SLC24A2: variants seen among roughly 807,000 people sequenced by gnomAD.
The protein encoded by SLC24A2 is sodium/potassium/calcium exchanger 2.
SLC24A2 carries 36 observed loss-of-function variants against 62.0 expected under a neutral mutation model. The ratio of observed to expected loss-of-function variants is 0.58; its 90% CI spans 0.44 to 0.77. The LOEUF is 0.77. Among genes scored for constraint, SLC24A2 ranks in the 30% least tolerant of loss-of-function variants. The pLI is 0.00. For missense variants in SLC24A2, 846 were observed against 817.9 expected, an observed-to-expected ratio of 1.03 and a Z score of -0.42; for synonymous variants, 358 against 294.0, an observed-to-expected ratio of 1.22 and a Z score of -2.23.
intron 1 of SLC24A2, 71 bp from the exon 2 acceptor site, chr9:19,787,090 T>C: frequency 1.2e-6 from 1 of 828,084 alleles, no homozygotes; most frequent in Non-Finnish European, 1.5e-6. Context: ...TCTTTGCAGA[T>C]ATGATAAAGT....
the SLC24A2 span, among the ~76,000 whole-genome samples, chr9:20,233,354 G>A: frequency 2.2e-4 from 33 of 152,130 alleles, no homozygotes; most frequent in African/African-American, 8.0e-4. Context: ...TTATTGTGTG[G>A]GAGTCTAAGT....
intron 2 of SLC24A2, among the ~76,000 whole-genome samples, chr9:19,726,459 T>C (rs981774099): frequency 1.3e-5 from 2 of 152,144 alleles, no homozygotes; most frequent in African/African-American, 4.8e-5. Context: ...GCAAATAAAA[T>C]TGCAGTGTGG....
intron 2 of SLC24A2, among the ~76,000 whole-genome samples, chr9:19,637,510 C>G (rs62563281): frequency 0.029 from 4,433 of 152,222 alleles, 65 homozygotes; most frequent in Middle Eastern, 0.068. Context: ...AAGGGGGAAG[C>G]AGAAGAACCC....
At chr9:19,989,575 C>T in the SLC24A2 span, among the ~76,000 whole-genome samples, 1 of 152,190 alleles carries the variant, frequency 6.6e-6, no homozygotes, top group Non-Finnish European at 1.5e-5. Flanking sequence ...TGTCACTATT[C>T]CTGGTCCTCC....
the SLC24A2 span, among the ~76,000 whole-genome samples, chr9:20,008,188 G>A: frequency 9.9e-5 from 15 of 151,974 alleles, no homozygotes; most frequent in Admixed American, 3.3e-4. Context: ...AAGCCACTGC[G>A]CCTGGCCCCT....
the SLC24A2 span, among the ~76,000 whole-genome samples, chr9:20,115,706 C>A: frequency 2.6e-5 from 4 of 152,304 alleles, no homozygotes; most frequent in South Asian, 8.3e-4. Flanking sequence ...ATGAAACTCA[C>A]TGACACACTG....
chr9:20,231,182 T>C, the SLC24A2 span, among the ~76,000 whole-genome samples: 2 of 152,248 alleles, frequency 1.3e-5, no homozygotes, highest in Admixed American at 1.3e-4. Context: ...CCTCCAGCTT[T>C]GTTCTTTTGG....
At chr9:19,585,224 T>C (rs1430928521) in intron 5 of SLC24A2, among the ~76,000 whole-genome samples, 1 of 152,216 alleles carries the variant, frequency 6.6e-6, no homozygotes, top group Admixed American at 6.5e-5. Flanking sequence ...TTGTCTCTCT[T>C]ACTTAGTATT....
At chr9:19,820,067 A>G in the SLC24A2 span, among the ~76,000 whole-genome samples, 3 of 135,780 alleles carry the variant, frequency 2.2e-5, no homozygotes, top group Admixed American at 7.5e-5. Flanking sequence ...ACATATATAT[A>G]TATATATATA....
chr9:19,749,164 T>C (rs1821915179), intron 2 of SLC24A2, among the ~76,000 whole-genome samples: 1 of 150,906 alleles, frequency 6.6e-6, no homozygotes, highest in Non-Finnish European at 1.5e-5. Context: ...AAGGTTAAAA[T>C]AGACAACAAA....
chr9:20,169,733 A>G, the SLC24A2 span, among the ~76,000 whole-genome samples: 5 of 151,818 alleles, frequency 3.3e-5, no homozygotes, highest in Non-Finnish European at 7.4e-5. Context: ...ATGAGAAGAA[A>G]CCAGAAAACC....
At chr9:19,754,631 G>A (rs931655216) in intron 2 of SLC24A2, among the ~76,000 whole-genome samples, 1 of 149,962 alleles carries the variant, frequency 6.7e-6, no homozygotes, top group Admixed American at 6.7e-5. Flanking sequence ...TCTTTCTCCT[G>A]GAAATCATGG....
At chr9:20,129,928 TACACAC>T in the SLC24A2 span, among the ~76,000 whole-genome samples, 216 of 141,870 alleles carry the variant, frequency 1.5e-3, 1 homozygote, top group East Asian at 0.011. Context: ...TATAATTTAC[TACACAC>T]ACACACACAC....
the SLC24A2 span, among the ~76,000 whole-genome samples, chr9:20,022,665 A>T: frequency 2.0e-5 from 3 of 152,298 alleles, 1 homozygote; most frequent in Admixed American, 2.0e-4. Flanking sequence ...TCTCTCACCA[A>T]TTCCATTCTG....
the SLC24A2 span, among the ~76,000 whole-genome samples, chr9:20,077,967 A>G: frequency 1.3e-5 from 2 of 152,210 alleles, no homozygotes; most frequent in African/African-American, 4.8e-5. Flanking sequence ...GTTAGGCTCC[A>G]CTAAAGAGAA....
intron 2 of SLC24A2, among the ~76,000 whole-genome samples, chr9:19,641,387 A>C (rs1818488730): frequency 6.6e-6 from 1 of 152,246 alleles, no homozygotes; most frequent in Admixed American, 6.5e-5. Context: ...AGTGGGCATA[A>C]TAAACTTAAC....
chr9:19,718,449 T>C (rs549967410), intron 2 of SLC24A2, among the ~76,000 whole-genome samples: 320 of 136,646 alleles, frequency 2.3e-3, no homozygotes, highest in African/African-American at 7.6e-3. Context: ...TGCACCACCA[T>C]GCCTGGCTAT....
chr9:19,582,555 G>T (rs182870608), intron 5 of SLC24A2, among the ~76,000 whole-genome samples: 131 of 152,334 alleles, frequency 8.6e-4, no homozygotes, highest in Middle Eastern at 3.4e-3. Flanking sequence ...GGAAAAACTA[G>T]AAATCAGCCT....
the SLC24A2 span, among the ~76,000 whole-genome samples, chr9:20,252,645 G>C: frequency 1.3e-5 from 2 of 152,214 alleles, no homozygotes; most frequent in African/African-American, 4.8e-5. Context: ...TGAGGTTCAA[G>C]CAGGCTGATG....
Sources: allele counts gnomAD v4.1 joint callset (sites outside exome capture counted in the v4.1 genomes callset), GRCh38; gene constraint gnomAD v4.1.1; transcripts MANE v1.5; gene names NCBI Gene and HGNC (gene_info 2026-07-23, HGNC 2026-07-21).